Variants in KCNQ3 observed in about 807,000 individuals in gnomAD.
The protein encoded by KCNQ3 is potassium voltage-gated channel subfamily Q member 3, also known as potassium voltage-gated channel subfamily KQT member 3.
KCNQ3 carries 30 observed loss-of-function variants against 92.5 expected under a neutral mutation model. That is an observed-to-expected ratio of 0.32 (90% CI 0.24 to 0.44). The LOEUF (loss-of-function observed/expected upper bound fraction) is 0.44, where lower values mean the gene tolerates loss of function less well. Ranked by LOEUF, KCNQ3 falls within the 20% of genes least tolerant of loss-of-function variation. The probability of loss-of-function intolerance (pLI) is 1.00; values close to 1 mark genes in which losing one functional copy is unlikely to be tolerated. For synonymous variants in KCNQ3, 450 were observed against 468.8 expected (o/e 0.96, Z 0.52); for missense variants, 913 against 1,140.3 (o/e 0.80, Z 2.87).
At chr8:132,306,385 C>T (rs1817422689) in intron 1 of KCNQ3, among the ~76,000 whole-genome samples, 1 of 152,220 alleles carries the variant, frequency 6.6e-6, no homozygotes, top group Non-Finnish European at 1.5e-5. Context: ...AAAAAATCAT[C>T]TACTGTCCTT....
At chr8:132,187,705 G>A (rs111319444) in intron 1 of KCNQ3, among the ~76,000 whole-genome samples, 2 of 90,910 alleles carry the variant, frequency 2.2e-5, no homozygotes, top group Non-Finnish European at 4.7e-5. Flanking sequence ...GATGATAGTG[G>A]TGGTGGTGGT....
chr8:132,291,645 CAT>C (rs979166653), intron 1 of KCNQ3, among the ~76,000 whole-genome samples: 18 of 152,244 alleles, frequency 1.2e-4, no homozygotes, highest in African/African-American at 4.3e-4. Context: ...ATAAAATCCA[CAT>C]GAGATTTCAC....
At chr8:132,142,591 C>T (rs902437830) in intron 9 of KCNQ3, among the ~76,000 whole-genome samples, 11 of 152,164 alleles carry the variant, frequency 7.2e-5, no homozygotes, top group African/African-American at 2.7e-4. Flanking sequence ...CGTGTTTTCG[C>T]CCAGTGGTAT....
intron 1 of KCNQ3, among the ~76,000 whole-genome samples, chr8:132,452,121 T>C (rs1203865936): frequency 6.6e-6 from 1 of 152,222 alleles, no homozygotes; most frequent in African/African-American, 2.4e-5. Flanking sequence ...TTAACCATTT[T>C]TAAGTATGCA....
rs77494140 is a variant in KCNQ3, at chr8:132,175,324, T to G, written c.933+129A>C. ...TCTGTCAGCAGGTTCTGAGCTGAAA[T>G]TGGTCTAGAGCTTACCTCTGACTGC... On this transcript the variant is annotated intron_variant, in intron 5 of 14. Transcript: ENST00000388996. The G allele has an allele frequency of 0.14, 140,211 of 1,017,122 alleles. 11,033 individuals are homozygous for G. Among genetic ancestry groups the G allele is most frequent in the African/African-American group, 0.24 (15,415 of 63,654 alleles). The allele number at this position is 1,017,122 out of a possible 1,614,324, so 63.0% of individuals were successfully genotyped here. A position where few individuals can be genotyped will look rare whatever the true frequency, so the allele number is the denominator to read the frequency against.
Position 132,185,224 on chromosome 8 carries a change from G to T in KCNQ3, c.478-857C>A, listed in dbSNP as rs530562053. ...AAGAGCTGACTCTGGTGCCTCGATG[G>T]CTTGCCCAGTGTGAGAAGAAGGCTC... On this transcript the variant is annotated intron_variant, in intron 2 of 14. Transcript: ENST00000388996. 4.6e-5 allele frequency among the ~76,000 whole-genome samples: 7 copies of T among 152,334 alleles called. No homozygotes were observed. The South Asian group carries it at 1.5e-3, about 32-fold the overall frequency.
chr8:132,251,852 A>G (rs1264362751), intron 1 of KCNQ3, among the ~76,000 whole-genome samples: 2 of 152,240 alleles, frequency 1.3e-5, no homozygotes, highest in Non-Finnish European at 2.9e-5. Flanking sequence ...TTTTATTTCT[A>G]TCTGGACCTT....
At chr8:132,325,328 C>T (rs1472142288) in intron 1 of KCNQ3, among the ~76,000 whole-genome samples, 1 of 152,100 alleles carries the variant, frequency 6.6e-6, no homozygotes, top group Non-Finnish European at 1.5e-5. Context: ...CTAATATAGG[C>T]TTGGGGCATT....
chr8:132,417,678 C>CCATCCATT (rs1820853075), intron 1 of KCNQ3, among the ~76,000 whole-genome samples: 1 of 151,866 alleles, frequency 6.6e-6, no homozygotes, highest in Non-Finnish European at 1.5e-5. Flanking sequence ...ATCCATCCAT[C>CCATCCATT]CATTCATTCA....
intron 1 of KCNQ3, among the ~76,000 whole-genome samples, chr8:132,420,898 T>C (rs557801285): frequency 6.6e-5 from 10 of 152,126 alleles, no homozygotes; most frequent in Non-Finnish European, 1.2e-4. Context: ...GACCAGCACA[T>C]AGTAGAGATG....
At chr8:132,379,835 T>C (rs1255623428) in intron 1 of KCNQ3, among the ~76,000 whole-genome samples, 2 of 152,034 alleles carry the variant, frequency 1.3e-5, no homozygotes, top group African/African-American at 4.8e-5. Flanking sequence ...ACTGGGGCTA[T>C]AATATATACC....
At chr8:132,196,030 T>G (rs977637990) in intron 1 of KCNQ3, among the ~76,000 whole-genome samples, 1 of 152,168 alleles carries the variant, frequency 6.6e-6, no homozygotes, top group Non-Finnish European at 1.5e-5. Context: ...ACCTAATAGA[T>G]CTCCAAAATA....
intron 1 of KCNQ3, among the ~76,000 whole-genome samples, chr8:132,364,146 C>T (rs1819249098): frequency 6.6e-6 from 1 of 152,102 alleles, no homozygotes; most frequent in Non-Finnish European, 1.5e-5. Flanking sequence ...TAATTCATCA[C>T]ATCGAACATA....
At chr8:132,435,428 A>G (rs1422205151) in intron 1 of KCNQ3, among the ~76,000 whole-genome samples, 3 of 152,174 alleles carry the variant, frequency 2.0e-5, no homozygotes, top group Admixed American at 2.0e-4. Context: ...AAGCTCAGAG[A>G]GCTTAAGGAA....
At chr8:132,255,984 AC>A (rs1486902914) in intron 1 of KCNQ3, among the ~76,000 whole-genome samples, 2 of 151,318 alleles carry the variant, frequency 1.3e-5, no homozygotes, top group Non-Finnish European at 2.9e-5. Flanking sequence ...AAATAAACAA[AC>A]CAAAAAAACA....
intron 1 of KCNQ3, among the ~76,000 whole-genome samples, chr8:132,415,950 G>A (rs935271080): frequency 7.9e-5 from 12 of 152,170 alleles, no homozygotes; most frequent in Non-Finnish European, 1.3e-4. Context: ...AGCCCATCTG[G>A]TAGGCACCTC....
chr8:132,385,879 T>C (rs1263108518), intron 1 of KCNQ3, among the ~76,000 whole-genome samples: 1 of 151,968 alleles, frequency 6.6e-6, no homozygotes, highest in Non-Finnish European at 1.5e-5. Flanking sequence ...TGATGATGGA[T>C]AATCAAGCAT....
At chr8:132,208,845 C>A (rs1260284373) in intron 1 of KCNQ3, among the ~76,000 whole-genome samples, 1 of 152,128 alleles carries the variant, frequency 6.6e-6, no homozygotes, top group Non-Finnish European at 1.5e-5. Flanking sequence ...CCATACCTGG[C>A]ACATAGGAGG....
At chr8:132,395,306 A>AC (rs1820164822) in intron 1 of KCNQ3, among the ~76,000 whole-genome samples, 1 of 152,218 alleles carries the variant, frequency 6.6e-6, no homozygotes, top group African/African-American at 2.4e-5. Context: ...TTGAAATTAC[A>AC]TCATATTGTT....
Sources: gnomAD v4.1 joint callset for allele counts (sites outside exome capture counted in the v4.1 genomes callset) on GRCh38, gnomAD v4.1.1 for gene constraint, MANE v1.5 for transcripts, NCBI Gene and HGNC (gene_info 2026-07-23, HGNC 2026-07-21) for gene names.